Variants in SMC2 observed in about 807,000 individuals in gnomAD.
SMC2 encodes structural maintenance of chromosomes protein 2.
Under a neutral mutation model 142.6 loss-of-function variants are expected in SMC2, and 41 were observed. The observed-to-expected ratio is 0.29, with a 90% CI of 0.22 to 0.37. The LOEUF (loss-of-function observed/expected upper bound fraction) is 0.37. Ranked by LOEUF, SMC2 falls within the 10% of genes least tolerant of loss-of-function variation. The pLI, the probability that SMC2 is intolerant of heterozygous loss-of-function variation, is 1.00. For missense variants in SMC2, 1,265 were observed against 1,373.7 expected (o/e 0.92, Z 1.25); for synonymous variants, 463 against 457.5 (o/e 1.01, Z -0.15).
chr9:104,102,710 C>G, intron 9 of SMC2, 137 bp downstream of exon 9: 1 of 845,356 alleles, frequency 1.2e-6, no homozygotes, highest in African/African-American at 1.8e-5. Flanking sequence ...GTGGTTACAA[C>G]TGGACCAAAT....
chr9:104,094,686 T>G lies in SMC2; in HGVS notation c.-62+209T>G, dbSNP rs1587873657. 2.2e-5 allele frequency: 8 copies of G among 364,276 alleles called. No homozygotes were observed. In the East Asian group the frequency reaches 3.1e-4, roughly 14 times the overall value. The allele number at this position is 364,276 out of a possible 1,614,324, so 22.6% of individuals were successfully genotyped here. On this transcript the variant is annotated intron_variant, in intron 1 of 24. Transcript: ENST00000374793. ...TGTAGACAGGCCTGGAGAAGCGAGG[T>G]AAAAGCCTGAGTAAAAGCAAGAAGT...
rs1347523516 is a variant in SMC2, at chr9:104,102,554, T to A, written c.1001T>A (p.Leu334Gln). The A allele has an allele frequency of 3.1e-6, 5 of 1,612,692 alleles. No homozygotes were observed. In the South Asian group the frequency reaches 5.5e-5, roughly 18 times the overall value. Residue 334 changes from leucine (L) to glutamine (Q), a missense_variant, in exon 9 of 25, where the codon CTG becomes CAG. Coordinates refer to ENST00000374793, the MANE Select transcript of SMC2 (RefSeq NM_006444.3). ...TGTGAGGAAAGCAAACGCAAAGAGC[T>A]GGAAAAAAATATGGTTGAGGTAAGT... Reference protein sequence around the residue: ...LACEESKRKELEKNMVEDSKT... With the variant: ...LACEESKRKEQEKNMVEDSKT...
rs768144857 is a variant in SMC2 at position 104,100,453 on chromosome 9, G to A, written c.636+20G>A. 2 of 1,398,378 alleles carry A rather than the reference G, an allele frequency of 1.4e-6. No homozygotes were observed. The highest frequency in any genetic ancestry group is 1.5e-5 in the African/African-American group (1 of 68,840). The allele number at this position is 1,398,378 out of a possible 1,614,324, so 86.6% of individuals were successfully genotyped here. A position where few individuals can be genotyped will look rare whatever the true frequency, so the allele number is the denominator to read the frequency against. On this transcript the variant is annotated intron_variant, in intron 7 of 24. Transcript: ENST00000374793. The stretch of plus-strand genomic sequence containing the variant: ...AAAGAGGTATATTCTGTATATGTGA[G>A]GATAATCTATTAGAATGTCTTTCAA...
intron 21 of SMC2, among the ~76,000 whole-genome samples, chr9:104,131,608 G>A (rs1345622849): frequency 2.0e-5 from 3 of 151,064 alleles, no homozygotes; most frequent in Non-Finnish European, 4.4e-5. Context: ...ACCTTAAGAG[G>A]AGAGCTTTCA....
In SMC2 at chr9:104,095,389, A is replaced by G; in HGVS notation, c.5A>G (p.His2Arg). ...TGACCCAAGACAGTATCGAAAATGC[A>G]TATTAAGTCAATTATTCTAGAGGGA... M[H>R]IKSIILEGFK... The change falls in exon 2 of 25, where the codon CAT becomes CGT. Residue 2 changes from histidine (H) to arginine (R), a missense_variant. By Grantham distance (29) the His-to-Arg change is conservative (BLOSUM62 0). This residue lies in a region of SMC2 where 168 missense variants were observed against 184.8 expected (regional missense o/e 0.91). Coordinates refer to ENST00000374793, the MANE Select transcript of SMC2 (RefSeq NM_006444.3). The G allele has an allele frequency of 1.9e-6, 3 of 1,612,650 alleles. No homozygotes were observed. Among genetic ancestry groups the G allele is most frequent in the Non-Finnish European group, 2.5e-6 (3 of 1,179,854 alleles).
At position 104,114,846 on chromosome 9, in the gene SMC2, T is replaced by C. The variant is rs778908775; in HGVS notation, c.1671+17T>C. ...GACACAGAAGTAAGTTGATTTTAATTTTAAAAAATTTAAAATTTGGTTAGC... is the reference window on the plus strand; with the variant it reads ...GACACAGAAGTAAGTTGATTTTAATCTTAAAAAATTTAAAATTTGGTTAGC... On this transcript the variant is annotated intron_variant, in intron 13 of 24. Coordinates refer to ENST00000374793, the MANE Select transcript of SMC2 (RefSeq NM_006444.3). The C allele has an allele frequency of 6.3e-7, 1 of 1,576,686 alleles. No homozygotes were observed.
In SMC2 at chr9:104,098,454, T is replaced by G. The variant is rs778733809; in HGVS notation, c.327T>G (p.Ile109Met). ...DEITVTRQVV[I>M]GGRNKYLING... is the part of the protein sequence containing the mutation. The stretch of plus-strand genomic sequence containing the variant: ...ATTGCTTTCTTTTATAGGTGGTTAT[T>G]GGTGGTAGAAATAAATATTTAATCA... Residue 109 changes from isoleucine to methionine, a missense_variant, in exon 4 of 25, where the codon ATT (isoleucine) becomes ATG (methionine). By Grantham distance (10) the Ile-to-Met change is conservative. Coordinates refer to ENST00000374793, the MANE Select transcript of SMC2 (RefSeq NM_006444.3). 5 of 1,588,986 alleles carry G rather than the reference T, an allele frequency of 3.1e-6. No individual in the cohort carries two copies. The highest frequency in any genetic ancestry group is 4.3e-6 in the Non-Finnish European group (5 of 1,171,218).
At position 104,111,547 on chromosome 9, in the gene SMC2, TATA is replaced by T. The variant is rs761369568; in HGVS notation, c.1021-30_1021-28del. Reference sequence around the variant, plus strand: ...AAGAAAGTGGGTGTTTTTCCTGAAATATAATATTTTTCCATTTGAAACTCTTCC... The same window carrying T: ...AAGAAAGTGGGTGTTTTTCCTGAAATATATTTTTCCATTTGAAACTCTTCC... On this transcript the variant is annotated intron_variant, in intron 9 of 24. Coordinates refer to ENST00000374793, the MANE Select transcript of SMC2 (RefSeq NM_006444.3). 1.4e-5 allele frequency: 21 copies of T among 1,454,424 alleles called. No individual in the cohort carries two copies. The Admixed American group carries it at 2.2e-4, about 15-fold the overall frequency. The allele number at this position is 1,454,424 out of a possible 1,614,324, so 90.1% of individuals were successfully genotyped here. A position where few individuals can be genotyped will look rare whatever the true frequency, so the allele number is the denominator to read the frequency against.
At position 104,118,186 on chromosome 9, in the gene SMC2, G is replaced by C. The variant is rs773792221; in HGVS notation, c.1807G>C (p.Val603Leu). The C allele has an allele frequency of 4.3e-6, 7 of 1,613,730 alleles. No individual in the cohort carries two copies. The South Asian group carries it at 5.5e-5, about 13-fold the overall frequency. ...TGTCCCACAGGTTGGCCCTGACAAC[G>C]TTCATGTGGCTCTTTCCTTGGTTGA... is the stretch of plus-strand genomic sequence containing the variant. The part of the protein sequence containing the change: ...VAQNLVGPDN[V>L]HVALSLVEYK... Residue 603 changes from valine to leucine, a missense_variant, in exon 15 of 25, where the codon GTT becomes CTT. This residue lies in a region of SMC2 where 898 missense variants were observed against 904.2 expected (regional missense o/e 0.99). Transcript: ENST00000374793.
intron 23 of SMC2, chr9:104,136,136 A>G: frequency 3.3e-6 from 1 of 301,996 alleles, no homozygotes; most frequent in Non-Finnish European, 6.6e-6. Flanking sequence ...CAACATTCAC[A>G]TAATTGAAAT....
chr9:104,114,146 G>A, intron 12 of SMC2, 65 bp downstream of exon 12: 3 of 1,024,796 alleles, frequency 2.9e-6, no homozygotes, highest in Non-Finnish European at 2.8e-6. Flanking sequence ...TAAGCTGGAA[G>A]CAGTGTGAAA....
intron 16 of SMC2, among the ~76,000 whole-genome samples, chr9:104,121,119 G>A (rs898435432): frequency 7.3e-6 from 1 of 137,174 alleles, no homozygotes; most frequent in Non-Finnish European, 1.5e-5. Context: ...AACTGGCTCT[G>A]TGGTTATCTG....
intron 9 of SMC2, among the ~76,000 whole-genome samples, chr9:104,107,589 G>A (rs940429290): frequency 6.6e-6 from 1 of 152,242 alleles, no homozygotes; most frequent in Non-Finnish European, 1.5e-5. Context: ...ACCCACATGG[G>A]TTATATGCTG....
intron 12 of SMC2, 107 bp from the exon 13 acceptor site, chr9:104,114,584 C>T (rs574460653): frequency 9.9e-7 from 1 of 1,013,788 alleles, no homozygotes; most frequent in Non-Finnish European, 1.4e-6. Flanking sequence ...GCTGATTCTA[C>T]TTTCATTTCA....
intron 14 of SMC2, 81 bp downstream of exon 14, chr9:104,116,400 CAT>C (rs1234542159): frequency 7.6e-7 from 1 of 1,321,578 alleles, no homozygotes; most frequent in African/African-American, 1.5e-5. Flanking sequence ...TTTTGAGGGA[CAT>C]AATCATATGC....
At chr9:104,107,301 C>A (rs1831917053) in intron 9 of SMC2, among the ~76,000 whole-genome samples, 1 of 152,216 alleles carries the variant, frequency 6.6e-6, no homozygotes, top group African/African-American at 2.4e-5. Flanking sequence ...AAGTTACATT[C>A]CAAGAGTTAT....
Position 104,132,053 on chromosome 9 carries a change from A to G in SMC2, c.3036A>G (p.Lys1012=), listed in dbSNP as rs768011560. The change falls in exon 22 of 25, where the codon AAA becomes AAG. Residue 1012 remains lysine, a synonymous_variant. Transcript: ENST00000374793. ...AGAAGAGAATTGTAGAAAATGACAA[A>G]TCCAAAATTCTTACAACTATAGAAG... ...MKKKRIVEND[K]SKILTTIEDL... The G allele has an allele frequency of 1.2e-6, 2 of 1,601,886 alleles. No homozygotes were observed. Among genetic ancestry groups the G allele is most frequent in the Admixed American group, 1.7e-5 (1 of 58,316 alleles).
At position 104,118,358 on chromosome 9, in the gene SMC2, A is replaced by C. The variant is rs1004780388; in HGVS notation, c.1979A>C (p.His660Pro). 5 of 1,613,040 alleles carry C rather than the reference A, an allele frequency of 3.1e-6. No individual in the cohort carries two copies. The highest frequency in any genetic ancestry group is 4.2e-6 in the Non-Finnish European group (5 of 1,179,380). Residue 660 changes from histidine to proline, a missense_variant, in exon 15 of 25, where the codon CAT becomes CCT. Coordinates refer to ENST00000374793, the MANE Select transcript of SMC2 (RefSeq NM_006444.3). ...CTCGGAGGTGATGTGTTTGATCCTC[A>C]TGGGACATTGAGTGGAGGTAAGTTT... is the stretch of plus-strand genomic sequence containing the variant. ...VTLGGDVFDP[H>P]GTLSGGARSQ...
At chr9:104,108,208 T>C (rs1031113262) in intron 9 of SMC2, among the ~76,000 whole-genome samples, 3 of 152,276 alleles carry the variant, frequency 2.0e-5, no homozygotes, top group African/African-American at 7.2e-5. Flanking sequence ...TGGAAATATG[T>C]CCTGTGGGCT....
Sources: gnomAD v4.1 joint callset for allele counts (sites outside exome capture counted in the v4.1 genomes callset) on GRCh38, gnomAD v4.1.1 for gene constraint, gnomAD v4.1.1 regional missense constraint, MANE v1.5 for transcripts, NCBI Gene and HGNC (gene_info 2026-07-23, HGNC 2026-07-21) for gene names.